The following AGPAT5 variants were observed in gnomAD, a reference collection of about 807,000 sequenced individuals.
AGPAT5 encodes the protein 1-acylglycerol-3-phosphate O-acyltransferase 5, also known as 1-acyl-sn-glycerol-3-phosphate acyltransferase epsilon.
In AGPAT5, 46 loss-of-function variants were observed where a neutral mutation model predicts 45.6. The observed-to-expected ratio is 1.01, with a 90% CI of 0.80 to 1.29. The LOEUF (loss-of-function observed/expected upper bound fraction) is 1.29, where lower values mean the gene tolerates loss of function less well. Among genes scored for constraint, AGPAT5 ranks in the 50% most tolerant of loss-of-function variants. The probability of loss-of-function intolerance (pLI) is 0.00; values close to 1 mark genes in which losing one functional copy is unlikely to be tolerated. For synonymous variants in AGPAT5, 272 were observed against 167.0 expected, an observed-to-expected ratio of 1.63 and a Z score of -4.85; for missense variants, 673 against 450.7, an observed-to-expected ratio of 1.49 and a Z score of -4.47.
At chr8:6,724,670 CGT>C (rs1800623759) in intron 1 of AGPAT5, among the ~76,000 whole-genome samples, 198 bp from the exon 2 acceptor site, 1 of 12,860 alleles carries the variant, frequency 7.8e-5, no homozygotes. Context: ...AATTTATTAC[CGT>C]TAACCTGTAC....
intron 1 of AGPAT5, among the ~76,000 whole-genome samples, chr8:6,710,785 A>T (rs909548192): frequency 6.6e-6 from 1 of 152,226 alleles, no homozygotes; most frequent in African/African-American, 2.4e-5. Context: ...CATAAGACCC[A>T]AAGGAAAAAG....
chr8:6,735,669 A>G (rs181836364), intron 4 of AGPAT5, among the ~76,000 whole-genome samples: 1 of 129,864 alleles, frequency 7.7e-6, no homozygotes, highest in East Asian at 2.3e-4. Flanking sequence ...AAAGTCATGA[A>G]TCTACAGCTT....
At chr8:6,709,921 A>T (rs1339999095) in intron 1 of AGPAT5, among the ~76,000 whole-genome samples, 1 of 152,224 alleles carries the variant, frequency 6.6e-6, no homozygotes. Context: ...ATACTGTTCC[A>T]GGTCATGGTT....
chr8:6,732,728 T>A, intron 4 of AGPAT5, 78 bp downstream of exon 4: 2 of 1,242,768 alleles, frequency 1.6e-6, no homozygotes, highest in Non-Finnish European at 2.2e-6. Flanking sequence ...ATCTAAGAAT[T>A]GTTTTGACAA....
chr8:6,717,306 A>T (rs1167899524), intron 1 of AGPAT5, among the ~76,000 whole-genome samples: 1 of 152,182 alleles, frequency 6.6e-6, no homozygotes, highest in Non-Finnish European at 1.5e-5. Flanking sequence ...TATAAGTGTA[A>T]GTAATATTTG....
rs1801867397 is a variant in AGPAT5 at position 6,757,050 on chromosome 8, AT to A, written c.870-109del. 9 of 736,552 alleles carry A rather than the reference AT, an allele frequency of 1.2e-5. No homozygotes were observed. In the South Asian group the frequency reaches 1.7e-4, roughly 14 times the overall value. The allele number at this position is 736,552 out of a possible 1,614,324, so 45.6% of individuals were successfully genotyped here. ...TCTGGATGTTTCCGTATTCATCCTT[AT>A]TTTCCAGGGACCTGCATAACTTTTC... On this transcript the variant is annotated intron_variant, in intron 7 of 7. Coordinates refer to ENST00000285518, the MANE Select transcript of AGPAT5 (RefSeq NM_018361.5).
intron 4 of AGPAT5, among the ~76,000 whole-genome samples, chr8:6,733,409 T>A (rs914846207): frequency 6.6e-6 from 1 of 152,220 alleles, no homozygotes; most frequent in Non-Finnish European, 1.5e-5. Context: ...GAAGGAAGAA[T>A]TCTTCACGGT....
intron 1 of AGPAT5, among the ~76,000 whole-genome samples, chr8:6,715,781 A>C (rs1800308832): frequency 6.6e-6 from 1 of 152,244 alleles, no homozygotes; most frequent in Non-Finnish European, 1.5e-5. Flanking sequence ...ATACAGAGGT[A>C]AAGTAACTCT....
At chr8:6,756,907 T>C (rs1433796789) in intron 7 of AGPAT5, among the ~76,000 whole-genome samples, 1 of 152,196 alleles carries the variant, frequency 6.6e-6, no homozygotes. Context: ...ACAAAAAGCA[T>C]CCTCATAAAA....
chr8:6,754,698 C>T (rs3824307), intron 6 of AGPAT5, among the ~76,000 whole-genome samples: 20,848 of 152,124 alleles, frequency 0.14, 1,717 homozygotes, highest in Admixed American at 0.22. Context: ...CGGGTCCCTT[C>T]AGAGAGGTGA....
At chr8:6,749,579 G>T (rs1449374521) in intron 6 of AGPAT5, among the ~76,000 whole-genome samples, 1 of 152,112 alleles carries the variant, frequency 6.6e-6, no homozygotes, top group Admixed American at 6.6e-5. Flanking sequence ...GTTGTGCGTT[G>T]TATGTGCAAA....
chr8:6,742,402 G>A (rs1801271494), intron 5 of AGPAT5, among the ~76,000 whole-genome samples: 1 of 152,150 alleles, frequency 6.6e-6, no homozygotes, highest in Non-Finnish European at 1.5e-5. Flanking sequence ...AACCAAATTG[G>A]GAAGTATACA....
chr8:6,752,568 A>C (rs953873728), intron 6 of AGPAT5, among the ~76,000 whole-genome samples: 4 of 142,820 alleles, frequency 2.8e-5, no homozygotes, highest in African/African-American at 1.1e-4. Flanking sequence ...CTTCAGAGCA[A>C]ATGGGGCTTG....
At chr8:6,729,470 C>G (rs921664175) in intron 2 of AGPAT5, among the ~76,000 whole-genome samples, 2 of 151,110 alleles carry the variant, frequency 1.3e-5, no homozygotes, top group African/African-American at 4.9e-5. Flanking sequence ...TTTCGAGTAT[C>G]GTTGAGCTCA....
Position 6,755,179 on chromosome 8 carries a change from G to A in AGPAT5, c.869+5G>A. 6.3e-7 allele frequency: 1 copy of A among 1,594,626 alleles called. No homozygotes were observed. Among genetic ancestry groups the A allele is most frequent in the Non-Finnish European group, 8.5e-7 (1 of 1,176,298 alleles). Reference sequence around the variant, plus strand: ...ACGTTTCGAAATCAAAGATAAGTGAGTAACAACAGTTCCAGCACTTCCGGA... The same window carrying A: ...ACGTTTCGAAATCAAAGATAAGTGAATAACAACAGTTCCAGCACTTCCGGA... On this transcript the variant is annotated splice_donor_5th_base_variant and intron_variant, in intron 7 of 7. Transcript: ENST00000285518.
chr8:6,713,084 C>G (rs2116848834), intron 1 of AGPAT5, among the ~76,000 whole-genome samples: 1 of 152,260 alleles, frequency 6.6e-6, no homozygotes, highest in South Asian at 2.1e-4. Flanking sequence ...CCTTGAATGC[C>G]TGGGTTCAAG....
chr8:6,748,592 C>T (rs1409360518), intron 6 of AGPAT5, among the ~76,000 whole-genome samples: 1 of 152,150 alleles, frequency 6.6e-6, no homozygotes, highest in Non-Finnish European at 1.5e-5. Context: ...GCAACCTCCG[C>T]CTCCCACGTT....
Position 6,727,414 on chromosome 8 carries a change from C to T in AGPAT5, c.289+2475C>T, listed in dbSNP as rs188968571. Reference sequence around the variant, plus strand: ...TTTTTTTTTTTGAGATGGAGTTTCACTCTTGTTGCCCAGGCTGGGTGTAAT... The same window carrying T: ...TTTTTTTTTTTGAGATGGAGTTTCATTCTTGTTGCCCAGGCTGGGTGTAAT... On this transcript the variant is annotated intron_variant, in intron 2 of 7. Transcript: ENST00000285518. Among the ~76,000 whole-genome samples, 40 of 151,800 alleles carry T rather than the reference C, an allele frequency of 2.6e-4. No individual in the cohort carries two copies. The East Asian group carries it at 7.5e-3, about 29-fold the overall frequency.
At chr8:6,747,147 T>TAAAC (rs1563303772) in intron 5 of AGPAT5, among the ~76,000 whole-genome samples, 3 of 152,294 alleles carry the variant, frequency 2.0e-5, no homozygotes, top group East Asian at 3.9e-4. Context: ...AATTAATAGG[T>TAAAC]AAACAAAATG....
Sources: gnomAD v4.1 joint callset for allele counts (sites outside exome capture counted in the v4.1 genomes callset) on GRCh38, gnomAD v4.1.1 for gene constraint, MANE v1.5 for transcripts, NCBI Gene and HGNC (gene_info 2026-07-23, HGNC 2026-07-21) for gene names.